The following EFCAB13 variants were observed in gnomAD, a reference collection of about 807,000 sequenced individuals.
The protein encoded by EFCAB13 is EF-hand calcium binding domain 13, also known as EF-hand calcium-binding domain-containing protein 13.
A neutral mutation model predicts 110.2 loss-of-function variants in EFCAB13; 91 were observed. The observed-to-expected ratio is 0.83, with a 90% CI of 0.70 to 0.98. The LOEUF (loss-of-function observed/expected upper bound fraction) is 0.98, where lower values mean the gene tolerates loss of function less well. Among genes scored for constraint, EFCAB13 ranks in the 50% least tolerant of loss-of-function variants. The probability of loss-of-function intolerance (pLI) is 0.00; values close to 1 mark genes in which losing one functional copy is unlikely to be tolerated. For synonymous variants in EFCAB13, 323 were observed against 369.9 expected, an observed-to-expected ratio of 0.87 and a Z score of 1.45; for missense variants, 968 against 1,119.4, an observed-to-expected ratio of 0.86 and a Z score of 1.93.
chr17:47,432,581 C>G (rs377414383), intron 24 of EFCAB13, among the ~76,000 whole-genome samples: 1 of 151,922 alleles, frequency 6.6e-6, no homozygotes, highest in Admixed American at 6.6e-5. Context: ...CAAAGTGAGA[C>G]CCTGTCTCAA....
intron 23 of EFCAB13, among the ~76,000 whole-genome samples, chr17:47,420,578 G>A (rs1164641376): frequency 1.2e-4 from 18 of 152,142 alleles, no homozygotes; most frequent in Admixed American, 1.2e-3. Flanking sequence ...TCTGAGATGT[G>A]GGGAGCGCCT....
At chr17:47,380,963 A>G (rs1412281998) in intron 14 of EFCAB13, among the ~76,000 whole-genome samples, 1 of 149,976 alleles carries the variant, frequency 6.7e-6, no homozygotes, top group East Asian at 2.0e-4. Context: ...GCTCACTGCA[A>G]CCTTTGCCTC....
intron 14 of EFCAB13, among the ~76,000 whole-genome samples, chr17:47,382,196 A>C (rs1049578196): frequency 1.3e-5 from 2 of 152,186 alleles, no homozygotes; most frequent in African/African-American, 4.8e-5. Context: ...TGATTTTTGC[A>C]CATTGATTTT....
intron 12 of EFCAB13, among the ~76,000 whole-genome samples, chr17:47,376,129 G>A (rs2065614050): frequency 6.6e-6 from 1 of 152,128 alleles, no homozygotes; most frequent in Non-Finnish European, 1.5e-5. Context: ...AGTATTTAAT[G>A]TAATAGATAA....
intron 20 of EFCAB13, among the ~76,000 whole-genome samples, chr17:47,405,947 G>T (rs934247535): frequency 6.6e-6 from 1 of 151,542 alleles, no homozygotes; most frequent in Non-Finnish European, 1.5e-5. Context: ...ACATGTTTAA[G>T]GCAGTCAATT....
At chr17:47,424,874 C>CTTTTTTTTTTTTTTTTTTTTTTTT in intron 23 of EFCAB13, among the ~76,000 whole-genome samples, 4 of 36,898 alleles carry the variant, frequency 1.1e-4, no homozygotes, top group Admixed American at 2.9e-4. Flanking sequence ...GGTTGACAAT[C>CTTTTTTTTTTTTTTTTTTTTTTTT]TTTTTTTTTT....
At position 47,404,634 on chromosome 17, in the gene EFCAB13, G is replaced by C; in HGVS notation, c.2233+1G>C. On this transcript the variant is annotated splice_donor_variant, in intron 20 of 24. Coordinates refer to ENST00000331493, the MANE Select transcript of EFCAB13 (RefSeq NM_152347.5). LOFTEE classifies it high-confidence loss of function. The stretch of plus-strand genomic sequence containing the variant: ...ACCCAGAAATTTTCCAATTATATTG[G>C]TAAGAGCTTTATGGTAATACTGTTA... 1 of 1,607,196 alleles carries C rather than the reference G, an allele frequency of 6.2e-7. No individual in the cohort carries two copies. Among genetic ancestry groups the C allele is most frequent in the Non-Finnish European group, 8.5e-7 (1 of 1,174,610 alleles).
At chr17:47,373,406 T>C (rs1036472563) in intron 11 of EFCAB13, among the ~76,000 whole-genome samples, 4 of 152,208 alleles carry the variant, frequency 2.6e-5, no homozygotes, top group African/African-American at 9.6e-5. Flanking sequence ...TTAGTTTGAA[T>C]TCTGTCAGGA....
At chr17:47,438,135 T>G (rs1314379450) in intron 24 of EFCAB13, among the ~76,000 whole-genome samples, 1 of 152,230 alleles carries the variant, frequency 6.6e-6, no homozygotes, top group Non-Finnish European at 1.5e-5. Flanking sequence ...TTGTAGGGTT[T>G]CTACTGAGAA....
intron 14 of EFCAB13, among the ~76,000 whole-genome samples, 199 bp downstream of exon 14, chr17:47,379,452 G>A (rs1024581242): frequency 6.6e-6 from 1 of 152,088 alleles, no homozygotes; most frequent in Non-Finnish European, 1.5e-5. Context: ...GAGTTGTCAC[G>A]TGAATTTTGC....
chr17:47,391,685 T>C (rs1262149851), intron 15 of EFCAB13, 105 bp downstream of exon 15: 1 of 1,056,294 alleles, frequency 9.5e-7, no homozygotes, highest in Non-Finnish European at 1.3e-6. Context: ...TATAAAAAGT[T>C]AAAATTAAAC....
At chr17:47,401,769 C>G (rs1313029996) in intron 17 of EFCAB13, among the ~76,000 whole-genome samples, 1 of 151,648 alleles carries the variant, frequency 6.6e-6, no homozygotes, top group Non-Finnish European at 1.5e-5. Flanking sequence ...CTCAGCCTCC[C>G]GAGTAGCTGG....
At chr17:47,436,640 G>A (rs1255531656) in intron 24 of EFCAB13, among the ~76,000 whole-genome samples, 1 of 151,690 alleles carries the variant, frequency 6.6e-6, no homozygotes, top group African/African-American at 2.4e-5. Context: ...TTCTTAGTGG[G>A]GTTATTTGGA....
At chr17:47,343,468 C>T (rs557269500) in intron 6 of EFCAB13, among the ~76,000 whole-genome samples, 48 of 151,900 alleles carry the variant, frequency 3.2e-4, no homozygotes, top group Non-Finnish European at 5.2e-4. Context: ...TTTTCCTTCC[C>T]CACTCTTGCT....
At chr17:47,414,709 T>C (rs747769012) in intron 22 of EFCAB13, 139 bp from the exon 23 acceptor site, 33 of 652,788 alleles carry the variant, frequency 5.1e-5, no homozygotes, top group Non-Finnish European at 5.8e-5. Context: ...AAAAGTTCTA[T>C]TGAAATAGTT....
At chr17:47,393,745 T>TAAATAAAAATAA (rs1567797013) in intron 15 of EFCAB13, among the ~76,000 whole-genome samples, 1 of 132,354 alleles carries the variant, frequency 7.6e-6, no homozygotes, top group African/African-American at 2.6e-5. Flanking sequence ...AATAAATAAA[T>TAAATAAAAATAA]AAATAAATAA....
intron 3 of EFCAB13, 108 bp from the exon 4 acceptor site, chr17:47,328,160 TC>T: frequency 3.3e-6 from 2 of 609,774 alleles, no homozygotes; most frequent in South Asian, 4.5e-5. Context: ...ATGTTGTGTA[TC>T]ATACCCCAAG....
chr17:47,389,948 A>T (rs1013104083), intron 14 of EFCAB13, among the ~76,000 whole-genome samples: 1 of 151,324 alleles, frequency 6.6e-6, no homozygotes, highest in Non-Finnish European at 1.5e-5. Flanking sequence ...TGCTGTATGT[A>T]CTATTTACAC....
chr17:47,409,625 A>ATG, intron 20 of EFCAB13, 22 bp from the exon 21 acceptor site: 1 of 1,594,446 alleles, frequency 6.3e-7, no homozygotes, highest in Non-Finnish European at 8.6e-7. Context: ...TCATTGTGTA[A>ATG]TGTCTCTCTC....
Sources: allele counts gnomAD v4.1 joint callset (sites outside exome capture counted in the v4.1 genomes callset), GRCh38; gene constraint gnomAD v4.1.1; transcripts MANE v1.5; gene names NCBI Gene and HGNC (gene_info 2026-07-23, HGNC 2026-07-21).